MACROD2: variants seen among roughly 807,000 people sequenced by gnomAD.
The protein encoded by MACROD2 is mono-ADP ribosylhydrolase 2.
Under a neutral mutation model 70.4 loss-of-function variants are expected in MACROD2, and 36 were observed. The ratio of observed to expected loss-of-function variants is 0.51; its 90% CI spans 0.39 to 0.68. The LOEUF (loss-of-function observed/expected upper bound fraction) is 0.68. Among genes scored for constraint, MACROD2 ranks in the 30% least tolerant of loss-of-function variants. The probability of loss-of-function intolerance (pLI) is 0.00; values close to 1 mark genes in which losing one functional copy is unlikely to be tolerated. For synonymous variants in MACROD2, 172 were observed against 178.8 expected, an observed-to-expected ratio of 0.96 and a Z score of 0.30; for missense variants, 496 against 538.4, an observed-to-expected ratio of 0.92 and a Z score of 0.78.
intron 4 of MACROD2, among the ~76,000 whole-genome samples, chr20:14,635,920 G>A (rs1984762661): frequency 6.6e-6 from 1 of 152,100 alleles, no homozygotes; most frequent in Non-Finnish European, 1.5e-5. Flanking sequence ...AATGATATGA[G>A]ACAAATTTGA....
At chr20:15,281,242 ATAT>A (rs1387168449) in intron 6 of MACROD2, among the ~76,000 whole-genome samples, 3 of 147,854 alleles carry the variant, frequency 2.0e-5, no homozygotes, top group Admixed American at 6.7e-5. Context: ...GAGCCAAACC[ATAT>A]TATTCTGCCC....
chr20:14,580,414 A>G (rs755232122), intron 4 of MACROD2, among the ~76,000 whole-genome samples: 1 of 149,236 alleles, frequency 6.7e-6, no homozygotes, highest in African/African-American at 2.5e-5. Flanking sequence ...CTGAATAAAT[A>G]GAATTTGATT....
intron 8 of MACROD2, among the ~76,000 whole-genome samples, chr20:15,818,752 A>G (rs1304969775): frequency 6.6e-6 from 1 of 152,178 alleles, no homozygotes; most frequent in African/African-American, 2.4e-5. Context: ...TGGCTTTAGT[A>G]TCCTGCTGAT....
rs373965085 is a variant in MACROD2 at position 14,773,776 on chromosome 20, G to A, written c.418+88817G>A. On this transcript the variant is annotated intron_variant, in intron 5 of 17. Coordinates refer to ENST00000684519, the MANE Select transcript of MACROD2 (RefSeq NM_001351661.2). ...GTGCCTGTTTTAATTTGCTAGGGCT[G>A]CCATAATAAAGTACCACAAACTGAA... is the stretch of plus-strand genomic sequence containing the variant. Among the ~76,000 whole-genome samples, 19 of 152,100 alleles carry A rather than the reference G, an allele frequency of 1.2e-4. 1 individual carries two copies. In the South Asian group the frequency reaches 3.9e-3, roughly 32 times the overall value.
intron 7 of MACROD2, among the ~76,000 whole-genome samples, chr20:15,447,051 C>CGTGTGTGTGTGTGTGT (rs57914856): frequency 2.2e-4 from 32 of 146,554 alleles, no homozygotes; most frequent in African/African-American, 7.2e-4. Flanking sequence ...TAAGAGTGTG[C>CGTGTGTGTGTGTGTGT]GTGTGTGTGT....
intron 3 of MACROD2, among the ~76,000 whole-genome samples, chr20:14,136,446 TA>T (rs1326026263): frequency 6.6e-6 from 1 of 152,188 alleles, no homozygotes; most frequent in Non-Finnish European, 1.5e-5. Flanking sequence ...CAATCTCTGT[TA>T]AATTATTTAG....
intron 5 of MACROD2, among the ~76,000 whole-genome samples, chr20:14,855,084 A>C (rs896184921): frequency 6.6e-6 from 1 of 152,164 alleles, no homozygotes; most frequent in Admixed American, 6.5e-5. Flanking sequence ...TCTTTCCTGT[A>C]AGGTGATGGA....
chr20:15,105,843 G>A (rs1318847150), intron 5 of MACROD2, among the ~76,000 whole-genome samples: 1 of 152,040 alleles, frequency 6.6e-6, no homozygotes, highest in African/African-American at 2.4e-5. Flanking sequence ...AACAGCCTCA[G>A]GCAGGCTAAG....
chr20:14,135,420 T>C (rs2054781799), intron 3 of MACROD2, among the ~76,000 whole-genome samples: 2 of 152,164 alleles, frequency 1.3e-5, no homozygotes, highest in Admixed American at 1.3e-4. Context: ...TATGTCACAG[T>C]GCTTTGGAAG....
At chr20:14,266,540 A>G (rs1004069478) in intron 3 of MACROD2, among the ~76,000 whole-genome samples, 1 of 152,192 alleles carries the variant, frequency 6.6e-6, no homozygotes, top group South Asian at 2.1e-4. Context: ...ATAGACATCT[A>G]GCAACATCAT....
At chr20:14,831,411 A>T (rs2072963584) in intron 5 of MACROD2, among the ~76,000 whole-genome samples, 1 of 151,968 alleles carries the variant, frequency 6.6e-6, no homozygotes. Context: ...ATCCTTTTGG[A>T]ATATCCATGT....
intron 3 of MACROD2, among the ~76,000 whole-genome samples, chr20:14,417,264 A>G (rs1407438277): frequency 6.6e-6 from 1 of 152,214 alleles, no homozygotes; most frequent in Non-Finnish European, 1.5e-5. Context: ...TTTATTCAAT[A>G]CAAAAAGATA....
chr20:15,233,973 ATATATTTATT>A (rs1475777179), intron 6 of MACROD2, among the ~76,000 whole-genome samples: 659 of 54,648 alleles, frequency 0.012, 49 homozygotes, highest in African/African-American at 0.015. Context: ...TTATTTTTAT[ATATATTTATT>A]TATATATATA....
At chr20:14,199,184 G>A (rs1055479618) in intron 3 of MACROD2, among the ~76,000 whole-genome samples, 2 of 152,128 alleles carry the variant, frequency 1.3e-5, no homozygotes, top group Admixed American at 6.5e-5. Context: ...TAAAATGATG[G>A]TTCTCTTCAG....
At chr20:15,412,286 A>T (rs955904909) in intron 6 of MACROD2, among the ~76,000 whole-genome samples, 2 of 151,978 alleles carry the variant, frequency 1.3e-5, no homozygotes, top group South Asian at 2.1e-4. Context: ...ATGCATTATT[A>T]AAAAAAAGAA....
In MACROD2 at chr20:14,702,591, ATATATGTGTGTATATATATGTG is replaced by A. The variant is rs2071213254; in HGVS notation, c.418+17638_418+17659del. Among the ~76,000 whole-genome samples the A allele has an allele frequency of 7.9e-5, 5 of 63,444 alleles. 1 individual carries two copies. The highest frequency in any genetic ancestry group is 1.9e-4 in the African/African-American group (3 of 15,776). The allele number at this position is 63,444 out of a possible 152,430, so 41.6% of individuals were successfully genotyped here. A position where few individuals can be genotyped will look rare whatever the true frequency, so the allele number is the denominator to read the frequency against. ...CACATATATGTGTATATATATGTAT[ATATATGTGTGTATATATATGTG>A]TATATATATATACATATATATATGT... On this transcript the variant is annotated intron_variant, in intron 5 of 17. Transcript: ENST00000684519.
intron 3 of MACROD2, among the ~76,000 whole-genome samples, chr20:14,359,709 A>G (rs1338431859): frequency 6.6e-6 from 1 of 152,114 alleles, no homozygotes; most frequent in Non-Finnish European, 1.5e-5. Context: ...CGTCTCTACA[A>G]ACATTAGCCT....
chr20:14,098,869 T>C (rs2054264008), intron 3 of MACROD2, among the ~76,000 whole-genome samples: 1 of 152,194 alleles, frequency 6.6e-6, no homozygotes, highest in African/African-American at 2.4e-5. Context: ...TTTTGTATTA[T>C]ATATTTTTTC....
chr20:14,101,799 A>T (rs1438555967), intron 3 of MACROD2, among the ~76,000 whole-genome samples: 2 of 151,464 alleles, frequency 1.3e-5, no homozygotes, highest in Non-Finnish European at 2.9e-5. Context: ...AAAACGTGAG[A>T]CAACAGCTGC....
Sources: allele counts gnomAD v4.1 joint callset (sites outside exome capture counted in the v4.1 genomes callset), GRCh38; gene constraint gnomAD v4.1.1; transcripts MANE v1.5; gene names NCBI Gene and HGNC (gene_info 2026-07-23, HGNC 2026-07-21).